Variants in KCNT2 observed in about 807,000 individuals in gnomAD.
KCNT2 encodes potassium sodium-activated channel subfamily T member 2, also known as potassium channel subfamily T member 2.
Under a neutral mutation model 153.8 loss-of-function variants are expected in KCNT2, and 67 were observed. The ratio of observed to expected loss-of-function variants is 0.44; its 90% CI spans 0.36 to 0.53. The LOEUF (loss-of-function observed/expected upper bound fraction) is 0.53, where lower values mean the gene tolerates loss of function less well. KCNT2 is among the 20% of genes least tolerant of loss of function. The pLI, the probability that KCNT2 is intolerant of heterozygous loss-of-function variation, is 0.00. For synonymous variants in KCNT2, 500 were observed against 458.8 expected (o/e 1.09, Z -1.15); for missense variants, 975 against 1,354.8 (o/e 0.72, Z 4.40).
intron 8 of KCNT2, among the ~76,000 whole-genome samples, chr1:196,447,619 T>G (rs538497716): frequency 6.6e-6 from 1 of 151,350 alleles, no homozygotes; most frequent in East Asian, 2.0e-4. Flanking sequence ...ATGTAAAGAT[T>G]TGGGAGGTAG....
rs556854368 is a variant in KCNT2 at position 196,465,842 on chromosome 1, A to G, written c.544-455T>C. Among the ~76,000 whole-genome samples, 13 of 152,108 alleles carry G rather than the reference A, an allele frequency of 8.5e-5. No homozygotes were observed. The East Asian group carries it at 2.3e-3, about 27-fold the overall frequency. ...CAATTAGCCCAGACAGTTTATTTTGAAAAGAAAAAAAAATAAAATAGCCAA... is the reference window on the plus strand; with the variant it reads ...CAATTAGCCCAGACAGTTTATTTTGGAAAGAAAAAAAAATAAAATAGCCAA... On this transcript the variant is annotated intron_variant, in intron 7 of 27. Transcript: ENST00000294725.
At chr1:196,379,563 C>A (rs910452378) in intron 13 of KCNT2, among the ~76,000 whole-genome samples, 5 of 102,538 alleles carry the variant, frequency 4.9e-5, no homozygotes, top group Non-Finnish European at 7.6e-5. Flanking sequence ...TACAGTGAGA[C>A]TTTCTCTCTC....
chr1:196,452,681 C>A (rs1676324464), intron 8 of KCNT2, among the ~76,000 whole-genome samples: 1 of 151,364 alleles, frequency 6.6e-6, no homozygotes, highest in African/African-American at 2.4e-5. Context: ...GAGTGTTAGT[C>A]TGGATTCTCC....
intron 14 of KCNT2, among the ~76,000 whole-genome samples, chr1:196,362,952 A>C (rs1322286801): frequency 6.6e-6 from 1 of 152,088 alleles, no homozygotes. Context: ...TTCCCTTAAT[A>C]GTTATTAACT....
intron 1 of KCNT2, among the ~76,000 whole-genome samples, chr1:196,560,395 T>C (rs1487990243): frequency 1.3e-5 from 2 of 151,936 alleles, no homozygotes; most frequent in Non-Finnish European, 2.9e-5. Context: ...ATGTTGAAAA[T>C]ATGGAGACTT....
At chr1:196,413,343 T>TA (rs1411289982) in intron 12 of KCNT2, among the ~76,000 whole-genome samples, 2 of 151,688 alleles carry the variant, frequency 1.3e-5, no homozygotes, top group Admixed American at 1.3e-4. Flanking sequence ...GTTAATGACA[T>TA]AAAATGCACA....
intron 1 of KCNT2, among the ~76,000 whole-genome samples, chr1:196,493,861 ACT>A (rs1461783580): frequency 2.0e-5 from 3 of 151,150 alleles, no homozygotes; most frequent in Non-Finnish European, 4.4e-5. Context: ...TCATATTCTG[ACT>A]TACTTTGTTT....
chr1:196,376,939 G>A (rs1669016556), intron 13 of KCNT2, among the ~76,000 whole-genome samples: 1 of 151,924 alleles, frequency 6.6e-6, no homozygotes, highest in African/African-American at 2.4e-5. Flanking sequence ...GGGAAGACAA[G>A]ACCTATGGGT....
chr1:196,266,545 C>T (rs1214355859), intron 25 of KCNT2, among the ~76,000 whole-genome samples: 1 of 152,134 alleles, frequency 6.6e-6, no homozygotes, highest in Non-Finnish European at 1.5e-5. Flanking sequence ...AAATCTTTGA[C>T]ATGTACAAGT....
chr1:196,343,968 T>TG (rs1449465693), intron 14 of KCNT2, among the ~76,000 whole-genome samples: 1 of 152,026 alleles, frequency 6.6e-6, no homozygotes, highest in Non-Finnish European at 1.5e-5. Context: ...TTAGTAGAGA[T>TG]GGGGTTTCAC....
intron 1 of KCNT2, among the ~76,000 whole-genome samples, chr1:196,538,973 A>T: frequency 6.6e-6 from 1 of 152,206 alleles, no homozygotes; most frequent in Non-Finnish European, 1.5e-5. Flanking sequence ...TGAATTTTTT[A>T]AAAATAACAT....
intron 12 of KCNT2, among the ~76,000 whole-genome samples, chr1:196,400,044 C>A (rs762846665): frequency 1.8e-4 from 27 of 151,736 alleles, no homozygotes; most frequent in Non-Finnish European, 3.5e-4. Context: ...CTTTAAGTTA[C>A]AAGAAAGTTG....
chr1:196,276,860 C>T (rs1194136951), intron 25 of KCNT2, among the ~76,000 whole-genome samples: 1 of 151,986 alleles, frequency 6.6e-6, no homozygotes, highest in Non-Finnish European at 1.5e-5. Context: ...TTGTATGTGA[C>T]CTATCGCACG....
intron 25 of KCNT2, among the ~76,000 whole-genome samples, chr1:196,277,291 G>A (rs934316074): frequency 1.3e-5 from 2 of 152,156 alleles, no homozygotes; most frequent in Non-Finnish European, 2.9e-5. Flanking sequence ...TCTTTTTATT[G>A]CTGCATTTCA....
At chr1:196,366,190 G>A (rs574463991) in intron 14 of KCNT2, among the ~76,000 whole-genome samples, 151 of 148,012 alleles carry the variant, frequency 1.0e-3, no homozygotes, top group African/African-American at 3.5e-3. Context: ...ACAGAGTTTC[G>A]CTCTTTTTGC....
chr1:196,499,292 G>A (rs1680487644), intron 1 of KCNT2, among the ~76,000 whole-genome samples: 2 of 152,176 alleles, frequency 1.3e-5, no homozygotes, highest in Admixed American at 6.5e-5. Flanking sequence ...CAAGTTTGTG[G>A]TGCTTCATTG....
At chr1:196,486,691 A>C (rs1679444196) in intron 3 of KCNT2, among the ~76,000 whole-genome samples, 3 of 111,772 alleles carry the variant, frequency 2.7e-5, no homozygotes, top group Admixed American at 2.2e-4. Flanking sequence ...ACCCAAGATG[A>C]ACTCAAAGAC....
At chr1:196,321,111 A>G (rs1367672753) in intron 19 of KCNT2, among the ~76,000 whole-genome samples, 1 of 151,754 alleles carries the variant, frequency 6.6e-6, no homozygotes, top group Non-Finnish European at 1.5e-5. Flanking sequence ...ATAACCAAAT[A>G]TACACTCCAG....
At chr1:196,557,926 A>G (rs1236937658) in intron 1 of KCNT2, among the ~76,000 whole-genome samples, 2 of 151,354 alleles carry the variant, frequency 1.3e-5, no homozygotes, top group African/African-American at 2.4e-5. Flanking sequence ...CCTTTCAGAA[A>G]TACTAAGAAA....
Sources: gnomAD v4.1 joint callset for allele counts (sites outside exome capture counted in the v4.1 genomes callset) on GRCh38, gnomAD v4.1.1 for gene constraint, MANE v1.5 for transcripts, NCBI Gene and HGNC (gene_info 2026-07-23, HGNC 2026-07-21) for gene names.